The following CCDC141 variants were observed in gnomAD, a reference collection of about 807,000 sequenced individuals.
The protein encoded by CCDC141 is coiled-coil domain containing 141, also known as coiled-coil domain-containing protein 141.
A neutral mutation model predicts 181.0 loss-of-function variants in CCDC141; 168 were observed. The observed-to-expected ratio is 0.93, with a 90% CI of 0.82 to 1.05. The LOEUF is 1.05. Ranked by LOEUF, CCDC141 falls within the 50% of genes least tolerant of loss-of-function variation. CCDC141 has a pLI of 0.00. For missense variants in CCDC141, 1,902 were observed against 1,788.5 expected, an observed-to-expected ratio of 1.06 and a Z score of -1.14; for synonymous variants, 666 against 642.3, an observed-to-expected ratio of 1.04 and a Z score of -0.56.
chr2:179,029,223 G>A (rs1444247278), intron 2 of CCDC141, among the ~76,000 whole-genome samples: 1 of 152,134 alleles, frequency 6.6e-6, no homozygotes, highest in African/African-American at 2.4e-5. Flanking sequence ...TGATGACTAT[G>A]AGCCATCTGT....
At chr2:179,006,687 CAT>C (rs1429307605) in intron 2 of CCDC141, among the ~76,000 whole-genome samples, 1 of 152,134 alleles carries the variant, frequency 6.6e-6, no homozygotes, top group Non-Finnish European at 1.5e-5. Flanking sequence ...TGGCGAGAGA[CAT>C]ATAATATCTA....
At chr2:178,903,037 C>T (rs1261324301) in intron 8 of CCDC141, among the ~76,000 whole-genome samples, 2 of 150,318 alleles carry the variant, frequency 1.3e-5, no homozygotes, top group Non-Finnish European at 2.9e-5. Flanking sequence ...CAGAGAAATG[C>T]AAGCCAAAAC....
At chr2:178,911,807 T>C (rs1275001476) in intron 7 of CCDC141, among the ~76,000 whole-genome samples, 1 of 152,216 alleles carries the variant, frequency 6.6e-6, no homozygotes, top group Non-Finnish European at 1.5e-5. Context: ...ATGGAAATGA[T>C]ACAAAACAAG....
chr2:178,944,385 T>C, intron 6 of CCDC141, 150 bp downstream of exon 6: 1 of 425,392 alleles, frequency 2.4e-6, no homozygotes, highest in Non-Finnish European at 4.2e-6. Context: ...CACAGTGGTA[T>C]TTGCTAATGT....
chr2:178,961,746 C>A (rs1252596847), intron 4 of CCDC141, among the ~76,000 whole-genome samples: 2 of 152,172 alleles, frequency 1.3e-5, no homozygotes, highest in East Asian at 3.8e-4. Context: ...TGATTCAGGA[C>A]AGGGAGTAGA....
At chr2:178,933,726 A>G in intron 6 of CCDC141, among the ~76,000 whole-genome samples, 1 of 152,148 alleles carries the variant, frequency 6.6e-6, no homozygotes, top group East Asian at 1.9e-4. Context: ...CTTTGCTTGG[A>G]TGATATTTCA....
intron 5 of CCDC141, among the ~76,000 whole-genome samples, chr2:178,951,879 A>C (rs947845386): frequency 6.6e-6 from 1 of 152,204 alleles, no homozygotes; most frequent in East Asian, 1.9e-4. Flanking sequence ...GAGAGTGAAT[A>C]TGGTCACAGT....
At chr2:178,875,870 G>A (rs1008733912) in intron 12 of CCDC141, 3 of 152,188 alleles carry the variant, frequency 2.0e-5, no homozygotes, top group African/African-American at 4.8e-5. Flanking sequence ...ACAGATGGGA[G>A]AAGACTGATT....
intron 2 of CCDC141, among the ~76,000 whole-genome samples, chr2:179,023,511 T>C (rs538418992): frequency 5.3e-5 from 8 of 152,326 alleles, no homozygotes; most frequent in African/African-American, 1.9e-4. Flanking sequence ...TATGTAATGT[T>C]TGAAATTAAA....
intron 2 of CCDC141, among the ~76,000 whole-genome samples, chr2:178,992,514 A>G (rs1020488610): frequency 1.3e-5 from 2 of 151,928 alleles, no homozygotes; most frequent in Admixed American, 6.6e-5. Flanking sequence ...TAATTATATT[A>G]TTGTTCCCAG....
At chr2:178,987,966 T>C (rs1691836065) in intron 2 of CCDC141, among the ~76,000 whole-genome samples, 1 of 151,374 alleles carries the variant, frequency 6.6e-6, no homozygotes, top group Admixed American at 6.6e-5. Flanking sequence ...ATCCCATTAC[T>C]GGGTATATAC....
chr2:179,031,205 T>C (rs1195075458), intron 2 of CCDC141, among the ~76,000 whole-genome samples: 1 of 37,124 alleles, frequency 2.7e-5, no homozygotes, highest in African/African-American at 5.3e-5. Flanking sequence ...TTTTCACTTG[T>C]TTTTTTTTTT....
intron 6 of CCDC141, among the ~76,000 whole-genome samples, chr2:178,932,404 G>A (rs2154375919): frequency 6.6e-6 from 1 of 152,154 alleles, no homozygotes; most frequent in Non-Finnish European, 1.5e-5. Context: ...ATACTGCCTG[G>A]GAGTGTCCCA....
chr2:179,007,872 C>G (rs111878193), intron 2 of CCDC141, among the ~76,000 whole-genome samples: 7 of 152,202 alleles, frequency 4.6e-5, no homozygotes, highest in African/African-American at 1.7e-4. Context: ...AATTAACTAC[C>G]AATATTATGT....
intron 21 of CCDC141, among the ~76,000 whole-genome samples, 156 bp downstream of exon 21, chr2:178,849,893 A>G (rs1561633406): frequency 6.6e-6 from 1 of 152,214 alleles, no homozygotes; most frequent in African/African-American, 2.4e-5. Flanking sequence ...AATTATCACA[A>G]ACACCCAGAT....
chr2:178,960,371 C>T (rs1444559944), intron 5 of CCDC141, among the ~76,000 whole-genome samples: 2 of 152,142 alleles, frequency 1.3e-5, no homozygotes, highest in East Asian at 1.9e-4. Context: ...CTCATATGCG[C>T]TTCCAGCTAT....
At chr2:178,884,785 C>T (rs993500005) in intron 11 of CCDC141, 116 bp downstream of exon 11, 25 of 670,632 alleles carry the variant, frequency 3.7e-5, no homozygotes, top group Admixed American at 3.2e-4. Context: ...AGTGAGCCCA[C>T]GCACAGGGGT....
intron 7 of CCDC141, 81 bp downstream of exon 7, chr2:178,918,632 T>C (rs951297918): frequency 6.0e-6 from 7 of 1,157,158 alleles, no homozygotes; most frequent in Non-Finnish European, 8.5e-6. Flanking sequence ...ACTTCTGTGA[T>C]GTGCTCCAGT....
At chr2:179,039,722 T>C (rs893671191) in intron 2 of CCDC141, among the ~76,000 whole-genome samples, 3 of 152,222 alleles carry the variant, frequency 2.0e-5, no homozygotes, top group Non-Finnish European at 4.4e-5. Context: ...TATTGGCTTA[T>C]TGAACTACTA....
Sources: allele counts gnomAD v4.1 joint callset (sites outside exome capture counted in the v4.1 genomes callset), GRCh38; gene constraint gnomAD v4.1.1; transcripts MANE v1.5; gene names NCBI Gene and HGNC (gene_info 2026-07-23, HGNC 2026-07-21).